The following OR2L3 variants were observed in gnomAD, a reference collection of about 807,000 sequenced individuals.
OR2L3 encodes the protein olfactory receptor 2L3.
For missense variants in OR2L3, 369 were observed against 376.6 expected (o/e 0.98, Z 0.17); for synonymous variants, 131 against 139.1 (o/e 0.94, Z 0.41).
At chr1:248,051,017 G>A (rs2103111485) in intron 1 of OR2L3, among the ~76,000 whole-genome samples, 1 of 152,154 alleles carries the variant, frequency 6.6e-6, no homozygotes, top group East Asian at 1.9e-4. Context: ...TACTTAAGAG[G>A]AACACCATTT....
At chr1:248,048,687 C>T (rs1663162143) in intron 1 of OR2L3, among the ~76,000 whole-genome samples, 1 of 152,118 alleles carries the variant, frequency 6.6e-6, no homozygotes, top group African/African-American at 2.4e-5. Context: ...CACCATTTCC[C>T]AGCCCTATGT....
intron 1 of OR2L3, among the ~76,000 whole-genome samples, chr1:248,057,787 A>C (rs1023002829): frequency 6.6e-6 from 1 of 151,970 alleles, no homozygotes; most frequent in African/African-American, 2.4e-5. Context: ...TGTAGTTTTC[A>C]GATTGTTCTT....
chr1:248,048,707 G>A (rs953817951), intron 1 of OR2L3, among the ~76,000 whole-genome samples: 1 of 152,020 alleles, frequency 6.6e-6, no homozygotes, highest in African/African-American at 2.4e-5. Flanking sequence ...TGCAAGTAAC[G>A]GAGATCAGTT....
rs942223665 is a variant in OR2L3 at position 248,062,787 on chromosome 1, C to T, written c.*1167C>T. The T allele has an allele frequency of 2.6e-5, 4 of 152,114 alleles. No homozygotes were observed. Among genetic ancestry groups the T allele is most frequent in the Non-Finnish European group, 5.9e-5 (4 of 68,020 alleles). 9.4% of individuals were successfully genotyped at this position (152,114 alleles called of 1,614,324 possible). A position where few individuals can be genotyped will look rare whatever the true frequency, so the allele number is the denominator to read the frequency against. Reference sequence around the variant, plus strand: ...ACCATATTTGAGGTGATGGTTACCCCGATTAACCCGATTTGATCATTATGC... The same window carrying T: ...ACCATATTTGAGGTGATGGTTACCCTGATTAACCCGATTTGATCATTATGC... On this transcript the variant is annotated 3_prime_UTR_variant, in exon 2 of 2. Transcript: ENST00000359959.
In OR2L3 at chr1:248,061,530, G is replaced by A. The variant is rs144499285; in HGVS notation, c.849G>A (p.Met283Ile). The A allele has an allele frequency of 9.9e-6, 16 of 1,613,714 alleles. No homozygotes were observed. The highest frequency in any genetic ancestry group is 4.0e-5 in the African/African-American group (3 of 74,826). ...TCTTCTACACCACCCTCACTCCAAT[G>A]CTCAACCCCATCATCTATAGCCTGA... ...LAVFYTTLTP[M>I]LNPIIYSLRN... The change falls in exon 2 of 2, where the codon ATG (methionine) becomes ATA (isoleucine). Residue 283 changes from methionine to isoleucine, a missense_variant. Met to Ile is a conservative substitution (Grantham distance 10). Coordinates refer to ENST00000359959, the MANE Select transcript of OR2L3 (RefSeq NM_001004687.2).
rs186971687 is a variant in OR2L3, at chr1:248,057,595, C to T, written c.-21-3066C>T. Among the ~76,000 whole-genome samples, 593 of 152,258 alleles carry T rather than the reference C, an allele frequency of 3.9e-3. 5 individuals are homozygous for T. The highest frequency in any genetic ancestry group is 3.8e-3 in the Non-Finnish European group (256 of 68,016). On this transcript the variant is annotated intron_variant, in intron 1 of 1. Transcript: ENST00000359959. ...GGGTGACTTTGGCTGTTGTTGACAT[C>T]TTAACAGTATTAACCCTTCCAATTG...
intron 1 of OR2L3, among the ~76,000 whole-genome samples, chr1:248,050,387 T>C (rs1402528491): frequency 3.3e-5 from 5 of 152,142 alleles, no homozygotes; most frequent in Non-Finnish European, 5.9e-5. Context: ...TATTTTTACA[T>C]AAGAAAAAAT....
At chr1:248,053,022 A>G (rs1663321464) in intron 1 of OR2L3, among the ~76,000 whole-genome samples, 3 of 152,148 alleles carry the variant, frequency 2.0e-5, no homozygotes, top group African/African-American at 4.8e-5. Flanking sequence ...AACGTGTGCC[A>G]TGGTGATTTG....
intron 1 of OR2L3, among the ~76,000 whole-genome samples, chr1:248,052,584 A>G (rs561800645): frequency 6.6e-6 from 1 of 152,222 alleles, no homozygotes; most frequent in Non-Finnish European, 1.5e-5. Flanking sequence ...AAAAAAAATT[A>G]GCTGGGCGTG....
chr1:248,050,314 C>G (rs569862715), intron 1 of OR2L3, among the ~76,000 whole-genome samples: 4 of 151,396 alleles, frequency 2.6e-5, no homozygotes, highest in African/African-American at 9.7e-5. Context: ...GGCTAAAATA[C>G]CTTCCTTATA....
In OR2L3 at chr1:248,062,911, T is replaced by C. The variant is rs1663691485; in HGVS notation, c.*1291T>C. The stretch of plus-strand genomic sequence containing the variant: ...AATAAAAGAACCAGTTCACTGTAGA[T>C]ATATGGATTTATTTCTGGGTTCTCT... On this transcript the variant is annotated 3_prime_UTR_variant, in exon 2 of 2. Transcript: ENST00000359959. 2 of 152,192 alleles carry C rather than the reference T, an allele frequency of 1.3e-5. No homozygotes were observed. Among genetic ancestry groups the C allele is most frequent in the Admixed American group, 6.5e-5 (1 of 15,270 alleles). 9.4% of individuals were successfully genotyped at this position (152,192 alleles called of 1,614,324 possible).
intron 1 of OR2L3, among the ~76,000 whole-genome samples, chr1:248,056,672 C>CT (rs36123035): frequency 0.73 from 98,274 of 135,040 alleles, 37,551 homozygotes; most frequent in South Asian, 0.89. Flanking sequence ...TTTGAGGGGG[C>CT]TTTTTTTTTT....
At chr1:248,054,650 C>G (rs1016749898) in intron 1 of OR2L3, among the ~76,000 whole-genome samples, 1 of 152,090 alleles carries the variant, frequency 6.6e-6, no homozygotes, top group Non-Finnish European at 1.5e-5. Context: ...TTGAATAGGT[C>G]CTTCACTTCC....
chr1:248,056,897 G>A (rs143665018), intron 1 of OR2L3, among the ~76,000 whole-genome samples: 3 of 151,938 alleles, frequency 2.0e-5, no homozygotes, highest in South Asian at 2.1e-4. Flanking sequence ...CAATCTGCCC[G>A]CCTTGGCCTC....
chr1:248,055,672 A>C (rs927478919), intron 1 of OR2L3, among the ~76,000 whole-genome samples: 1 of 152,202 alleles, frequency 6.6e-6, no homozygotes, highest in East Asian at 1.9e-4. Context: ...CATGTGAATC[A>C]CTTAAACCCA....
intron 1 of OR2L3, chr1:248,051,384 A>G (rs1345916121): frequency 6.6e-6 from 1 of 152,106 alleles, no homozygotes; most frequent in African/African-American, 2.4e-5. Context: ...ATTTATATTG[A>G]TTTCTTTGTT....
intron 1 of OR2L3, among the ~76,000 whole-genome samples, chr1:248,053,673 A>G (rs1323234492): frequency 1.3e-5 from 2 of 152,092 alleles, no homozygotes; most frequent in African/African-American, 4.8e-5. Context: ...GATGGTATCT[A>G]ATTATGGTTT....
intron 1 of OR2L3, among the ~76,000 whole-genome samples, chr1:248,048,756 A>G (rs1466656924): frequency 6.6e-6 from 1 of 152,110 alleles, no homozygotes; most frequent in East Asian, 1.9e-4. Context: ...TGTATATTTT[A>G]GATATCGCTT....
At chr1:248,056,896 C>T (rs942018204) in intron 1 of OR2L3, among the ~76,000 whole-genome samples, 9 of 151,708 alleles carry the variant, frequency 5.9e-5, no homozygotes, top group African/African-American at 1.7e-4. Flanking sequence ...GCAATCTGCC[C>T]GCCTTGGCCT....
Sources: allele counts gnomAD v4.1 joint callset (sites outside exome capture counted in the v4.1 genomes callset), GRCh38; gene constraint gnomAD v4.1.1; transcripts MANE v1.5; gene names NCBI Gene and HGNC (gene_info 2026-07-23, HGNC 2026-07-21).